The following IQCM variants were observed in gnomAD, a reference collection of about 807,000 sequenced individuals.
IQCM encodes IQ motif containing M, also known as IQ domain-containing protein M.
In IQCM, 45 loss-of-function variants were observed where a neutral mutation model predicts 57.6. The observed-to-expected ratio is 0.78, with a 90% CI of 0.62 to 1.00. The LOEUF is 1.00. Ranked by LOEUF, IQCM falls within the 50% of genes least tolerant of loss-of-function variation. IQCM has a pLI of 0.00. For missense variants in IQCM, 468 were observed against 511.6 expected (o/e 0.91, Z 0.82); for synonymous variants, 148 against 158.9 (o/e 0.93, Z 0.51).
intron 13 of IQCM, among the ~76,000 whole-genome samples, chr4:149,417,921 T>C (rs1733860509): frequency 6.6e-6 from 1 of 151,228 alleles, no homozygotes; most frequent in Admixed American, 6.6e-5. Context: ...GGATGAATGA[T>C]AATTATCACC....
intron 13 of IQCM, among the ~76,000 whole-genome samples, chr4:149,402,163 T>C (rs925600796): frequency 4.0e-5 from 6 of 151,746 alleles, no homozygotes; most frequent in Admixed American, 1.3e-4. Context: ...CACAAAACAA[T>C]ATTAAGGTTC....
intron 2 of IQCM, among the ~76,000 whole-genome samples, chr4:149,747,724 A>C (rs1479273771): frequency 1.3e-5 from 2 of 152,232 alleles, no homozygotes; most frequent in Non-Finnish European, 2.9e-5. Context: ...TTTATGATTA[A>C]TATCAGGCTA....
chr4:149,476,355 C>A (rs921589744), intron 12 of IQCM, among the ~76,000 whole-genome samples: 11 of 152,224 alleles, frequency 7.2e-5, no homozygotes, highest in Non-Finnish European at 1.5e-4. Context: ...CCCAGAGTGG[C>A]AGGAGGAGTA....
At chr4:149,358,674 A>G (rs1181507965) in intron 13 of IQCM, among the ~76,000 whole-genome samples, 1 of 152,094 alleles carries the variant, frequency 6.6e-6, no homozygotes. Context: ...TAACTTCATT[A>G]CTAAGCTGGC....
At chr4:149,412,066 T>TTGTGTGTGTGTG (rs35663253) in intron 13 of IQCM, among the ~76,000 whole-genome samples, 1 of 148,730 alleles carries the variant, frequency 6.7e-6, no homozygotes, top group African/African-American at 2.5e-5. Flanking sequence ...GTGTGTGTGT[T>TTGTGTGTGTGTG]TGTGTGTGTG....
chr4:149,640,663 T>C (rs183088673), intron 7 of IQCM, among the ~76,000 whole-genome samples: 7 of 152,346 alleles, frequency 4.6e-5, no homozygotes, highest in African/African-American at 1.7e-4. Flanking sequence ...ATAGTTAACA[T>C]CTTCAGTTTT....
intron 5 of IQCM, among the ~76,000 whole-genome samples, chr4:149,693,431 A>G (rs1763090117): frequency 6.6e-6 from 1 of 152,152 alleles, no homozygotes; most frequent in African/African-American, 2.4e-5. Flanking sequence ...ACTACTGTCC[A>G]TCCATAAGCC....
At chr4:149,779,777 T>A (rs1400224413) in intron 2 of IQCM, among the ~76,000 whole-genome samples, 1 of 152,162 alleles carries the variant, frequency 6.6e-6, no homozygotes, top group Non-Finnish European at 1.5e-5. Context: ...ATCCCATAAA[T>A]ATGTTTTGAC....
At chr4:149,381,257 T>C (rs1351900598) in intron 13 of IQCM, among the ~76,000 whole-genome samples, 1 of 152,100 alleles carries the variant, frequency 6.6e-6, no homozygotes, top group African/African-American at 2.4e-5. Flanking sequence ...CCTGCTTGGA[T>C]TATTGCAATA....
chr4:149,482,380 G>A (rs1308832389), intron 12 of IQCM, among the ~76,000 whole-genome samples: 1 of 151,896 alleles, frequency 6.6e-6, no homozygotes, highest in Non-Finnish European at 1.5e-5. Context: ...AAGGGTTTCA[G>A]GTTTTCCCCT....
chr4:149,796,136 T>A (rs1056438146), intron 2 of IQCM, among the ~76,000 whole-genome samples: 58 of 152,086 alleles, frequency 3.8e-4, no homozygotes, highest in African/African-American at 1.3e-3. Flanking sequence ...ACTTTACTCT[T>A]GGGAAGCATT....
chr4:149,622,722 A>C (rs970290541), intron 7 of IQCM, among the ~76,000 whole-genome samples: 1 of 152,166 alleles, frequency 6.6e-6, no homozygotes. Context: ...TAAAAGAGTA[A>C]CACAAGAGTT....
chr4:149,429,657 A>G (rs1481361652), intron 13 of IQCM, among the ~76,000 whole-genome samples: 1 of 151,892 alleles, frequency 6.6e-6, no homozygotes, highest in Non-Finnish European at 1.5e-5. Context: ...GAGTACCTAC[A>G]TTGTAGAGTA....
chr4:149,611,272 T>C (rs1194048773), intron 8 of IQCM, among the ~76,000 whole-genome samples: 1 of 152,058 alleles, frequency 6.6e-6, no homozygotes, highest in East Asian at 1.9e-4. Context: ...AAGAACAGTA[T>C]GGAGGTTCCT....
intron 5 of IQCM, among the ~76,000 whole-genome samples, chr4:149,722,427 T>A (rs974495363): frequency 2.0e-5 from 3 of 152,028 alleles, no homozygotes; most frequent in African/African-American, 7.2e-5. Context: ...ATGGTTTGGG[T>A]CTCATATTTA....
At chr4:149,751,545 C>A (rs979948460) in intron 2 of IQCM, among the ~76,000 whole-genome samples, 2 of 152,130 alleles carry the variant, frequency 1.3e-5, no homozygotes, top group Non-Finnish European at 2.9e-5. Flanking sequence ...ATTAGGACAG[C>A]AATTTCCTTA....
intron 2 of IQCM, among the ~76,000 whole-genome samples, chr4:149,790,841 G>A (rs922054081): frequency 1.5e-4 from 22 of 150,582 alleles, no homozygotes; most frequent in Non-Finnish European, 1.3e-4. Context: ...TTTTTTTTTT[G>A]GTACTTTTAT....
chr4:149,384,084 G>T (rs1731256668), intron 13 of IQCM, among the ~76,000 whole-genome samples: 1 of 152,116 alleles, frequency 6.6e-6, no homozygotes, highest in Non-Finnish European at 1.5e-5. Flanking sequence ...TGAGATTTGA[G>T]AATAACATTA....
At chr4:149,567,562 G>A (rs1163537811) in intron 9 of IQCM, among the ~76,000 whole-genome samples, 1 of 151,842 alleles carries the variant, frequency 6.6e-6, no homozygotes, top group Non-Finnish European at 1.5e-5. Flanking sequence ...TGGCCAGGTG[G>A]GTCTTAAACT....
Sources: allele counts gnomAD v4.1 joint callset (sites outside exome capture counted in the v4.1 genomes callset), GRCh38; gene constraint gnomAD v4.1.1; transcripts MANE v1.5; gene names NCBI Gene and HGNC (gene_info 2026-07-23, HGNC 2026-07-21).